The following RNF169 variants were observed in gnomAD, a reference collection of about 807,000 sequenced individuals.
RNF169 encodes E3 ubiquitin-protein ligase RNF169.
A neutral mutation model predicts 53.9 loss-of-function variants in RNF169; 24 were observed. The ratio of observed to expected loss-of-function variants is 0.45; its 90% CI spans 0.32 to 0.63. The LOEUF (loss-of-function observed/expected upper bound fraction) is 0.63. RNF169 is among the 20% of genes least tolerant of loss of function. The pLI is 0.04. For synonymous variants in RNF169, 396 were observed against 363.5 expected (o/e 1.09, Z -1.02); for missense variants, 883 against 906.2 (o/e 0.97, Z 0.33).
chr11:74,748,938 A>G lies in RNF169; in HGVS notation c.58A>G (p.Ser20Gly). ...TTCCGCGGCGGCAGCAGCCGCTCTG[A>G]GTCGGCGGGGCCGGCGGGGCCGCTG... Reference protein sequence around the residue: ...ASSAAAAAALSRRGRRGRCDE... With the variant: ...ASSAAAAAALGRRGRRGRCDE... The change falls in exon 1 of 6, where the codon AGT becomes GGT. Residue 20 changes from serine to glycine, a missense_variant. Ser to Gly is a moderately conservative substitution (Grantham distance 56). Around this residue, in one of 3 missense-constraint regions of RNF169, gnomAD observed 313 missense variants for 279.9 expected, o/e 1.12. Transcript: ENST00000299563. The G allele has an allele frequency of 6.8e-7, 1 of 1,474,248 alleles. No homozygotes were observed. The highest frequency in any genetic ancestry group is 9.1e-7 in the Non-Finnish European group (1 of 1,102,280). The allele number at this position is 1,474,248 out of a possible 1,614,324, so 91.3% of individuals were successfully genotyped here. A position where few individuals can be genotyped will look rare whatever the true frequency, so the allele number is the denominator to read the frequency against.
At chr11:74,785,193 A>G (rs567122335) in intron 1 of RNF169, among the ~76,000 whole-genome samples, 4 of 119,284 alleles carry the variant, frequency 3.4e-5, no homozygotes, top group African/African-American at 1.4e-4. Context: ...TATGATATAT[A>G]TATGATATAT....
chr11:74,802,932 G>T (rs542311941), intron 2 of RNF169, among the ~76,000 whole-genome samples: 4 of 151,108 alleles, frequency 2.6e-5, no homozygotes, highest in Non-Finnish European at 5.9e-5. Flanking sequence ...TTTTTTGGGG[G>T]GGGGTGGGGA....
intron 4 of RNF169, among the ~76,000 whole-genome samples, chr11:74,824,038 G>A (rs914552442): frequency 6.6e-6 from 1 of 151,890 alleles, no homozygotes; most frequent in African/African-American, 2.4e-5. Context: ...CCCATACACA[G>A]GAAAAAAGAA....
At position 74,749,323 on chromosome 11, in the gene RNF169, G is replaced by T. The variant is rs1391742631; in HGVS notation, c.443G>T (p.Gly148Val). The change falls in exon 1 of 6, where the codon GGC becomes GTC. Residue 148 changes from glycine (G) to valine (V), a missense_variant. Around this residue, in one of 3 missense-constraint regions of RNF169, gnomAD observed 313 missense variants for 279.9 expected, o/e 1.12. Transcript: ENST00000299563. The part of the protein sequence containing the change: ...PERCRPRRDG[G>V]AAAAGPRPEQ... The stretch of plus-strand genomic sequence containing the variant: ...CGCTGCCGCCCGCGCCGGGACGGGG[G>T]CGCGGCTGCCGCGGGGCCCAGGCCA... 3 of 1,198,642 alleles carry T rather than the reference G, an allele frequency of 2.5e-6. No homozygotes were observed. Among genetic ancestry groups the T allele is most frequent in the East Asian group, 3.5e-5 (1 of 28,632 alleles). 74.3% of individuals were successfully genotyped at this position (1,198,642 alleles called of 1,614,324 possible). A position where few individuals can be genotyped will look rare whatever the true frequency, so the allele number is the denominator to read the frequency against.
At chr11:74,758,712 G>A (rs2135308106) in intron 1 of RNF169, among the ~76,000 whole-genome samples, 1 of 152,248 alleles carries the variant, frequency 6.6e-6, no homozygotes, top group African/African-American at 2.4e-5. Flanking sequence ...CACTGTTTTA[G>A]CGGGGATGGT....
chr11:74,776,379 A>G (rs1000110011), intron 1 of RNF169, among the ~76,000 whole-genome samples: 1 of 152,098 alleles, frequency 6.6e-6, no homozygotes, highest in Non-Finnish European at 1.5e-5. Context: ...TGAGACTTTG[A>G]CTTTAATAAA....
chr11:74,773,437 T>C (rs192132591), intron 1 of RNF169, among the ~76,000 whole-genome samples: 43 of 152,278 alleles, frequency 2.8e-4, no homozygotes, highest in Middle Eastern at 3.4e-3. Context: ...TTTAGGATAA[T>C]ATAAAATAAG....
At chr11:74,817,408 T>C (rs879033605) in intron 3 of RNF169, among the ~76,000 whole-genome samples, 188 bp from the exon 4 acceptor site, 7 of 152,174 alleles carry the variant, frequency 4.6e-5, no homozygotes, top group African/African-American at 1.4e-4. Flanking sequence ...AAGAGAAATA[T>C]AGTGAGTTTG....
At chr11:74,769,308 C>T (rs557484880) in intron 1 of RNF169, among the ~76,000 whole-genome samples, 1 of 152,236 alleles carries the variant, frequency 6.6e-6, no homozygotes, top group South Asian at 2.1e-4. Flanking sequence ...CAAATTAAAC[C>T]AGTGATATGC....
At chr11:74,826,771 T>C (rs999999287) in intron 4 of RNF169, among the ~76,000 whole-genome samples, 2 of 152,244 alleles carry the variant, frequency 1.3e-5, no homozygotes, top group Admixed American at 1.3e-4. Context: ...CAGCTAAATC[T>C]TAAAGTTCTG....
At position 74,836,895 on chromosome 11, in the gene RNF169, C is replaced by A; in HGVS notation, c.*165C>A. The stretch of plus-strand genomic sequence containing the variant: ...TAGTCAATATCCAAGGGAAAAGCAT[C>A]TCCGTTTCTCTGTGACCCAGGCCAG... On this transcript the variant is annotated 3_prime_UTR_variant, in exon 6 of 6. Transcript: ENST00000299563. 1 of 604,186 alleles carries A rather than the reference C, an allele frequency of 1.7e-6. No individual in the cohort carries two copies. Among genetic ancestry groups the A allele is most frequent in the Non-Finnish European group, 2.8e-6 (1 of 355,094 alleles). The allele number at this position is 604,186 out of a possible 1,614,324, so 37.4% of individuals were successfully genotyped here.
intron 3 of RNF169, among the ~76,000 whole-genome samples, chr11:74,817,386 T>C (rs773666848): frequency 1.3e-5 from 2 of 152,188 alleles, no homozygotes; most frequent in Non-Finnish European, 2.9e-5. Flanking sequence ...GGGTTGGTGA[T>C]GGGGCTTACA....
intron 1 of RNF169, 146 bp downstream of exon 1, chr11:74,749,528 G>C (rs2034851708): frequency 2.9e-6 from 2 of 692,244 alleles, no homozygotes; most frequent in South Asian, 1.4e-4. Context: ...CTACCCAGGT[G>C]CAGTGTGTTT....
At chr11:74,777,819 A>T (rs148515442) in intron 1 of RNF169, among the ~76,000 whole-genome samples, 3 of 151,990 alleles carry the variant, frequency 2.0e-5, no homozygotes, top group East Asian at 3.9e-4. Flanking sequence ...GTGCAGATGG[A>T]GTCTCATTAT....
chr11:74,810,097 G>C, intron 2 of RNF169, 87 bp from the exon 3 acceptor site: 1 of 1,207,852 alleles, frequency 8.3e-7, no homozygotes, highest in Non-Finnish European at 1.2e-6. Context: ...CATGTGATCT[G>C]TTTGTTCTAA....
In RNF169 at chr11:74,817,596, T is replaced by C. The variant is rs2035955637; in HGVS notation, c.724T>C (p.Cys242Arg). Residue 242 changes from cysteine to arginine, a missense_variant and splice_region_variant, in exon 4 of 6, where the codon TGT (cysteine) becomes CGT (arginine). Cys to Arg is a radical substitution (Grantham distance 180, BLOSUM62 -3). Transcript: ENST00000299563. Reference sequence around the variant, plus strand: ...GTTGTCTCCCTTGTCTCCCTGCCAGTGTCCTGCACGTCTCTCAGATTCAGA... The same window carrying C: ...GTTGTCTCCCTTGTCTCCCTGCCAGCGTCCTGCACGTCTCTCAGATTCAGA... ...PLVLKTNLER[C>R]PARLSDSENE... is the part of the protein sequence containing the mutation. 6.2e-7 allele frequency: 1 copy of C among 1,600,064 alleles called. No homozygotes were observed. The highest frequency in any genetic ancestry group is 8.6e-7 in the Non-Finnish European group (1 of 1,167,174).
At chr11:74,797,004 C>T (rs769641094) in intron 2 of RNF169, among the ~76,000 whole-genome samples, 39 of 152,172 alleles carry the variant, frequency 2.6e-4, no homozygotes, top group Non-Finnish European at 5.4e-4. Flanking sequence ...AGGCACGTAC[C>T]ACCTTCCCTG....
rs575588907 is a variant in RNF169, at chr11:74,837,081, G to A, written c.*351G>A. The A allele has an allele frequency of 1.7e-5, 3 of 176,954 alleles. No homozygotes were observed. The highest frequency in any genetic ancestry group is 5.8e-5 in the Admixed American group (1 of 17,300). 11.0% of individuals were successfully genotyped at this position (176,954 alleles called of 1,614,324 possible). On this transcript the variant is annotated 3_prime_UTR_variant, in exon 6 of 6. Coordinates refer to ENST00000299563, the MANE Select transcript of RNF169 (RefSeq NM_001098638.2). ...TAGACTTCCTGACTTCTTTCAGCAG[G>A]GTATTGTTTTAAATCAGCCTTGCAG...
intron 4 of RNF169, among the ~76,000 whole-genome samples, chr11:74,833,015 C>T (rs539141339): frequency 2.6e-5 from 4 of 152,322 alleles, no homozygotes; most frequent in African/African-American, 9.6e-5. Flanking sequence ...ACAACTTTCA[C>T]ATCTTTCATT....
Sources: gnomAD v4.1 joint callset for allele counts (sites outside exome capture counted in the v4.1 genomes callset) on GRCh38, gnomAD v4.1.1 for gene constraint, gnomAD v4.1.1 regional missense constraint, MANE v1.5 for transcripts, NCBI Gene and HGNC (gene_info 2026-07-23, HGNC 2026-07-21) for gene names.